Variants in LRIF1 observed in about 807,000 individuals in gnomAD.
LRIF1 encodes ligand dependent nuclear receptor interacting factor 1.
Under a neutral mutation model 52.7 loss-of-function variants are expected in LRIF1, and 32 were observed. The observed-to-expected ratio is 0.61, with a 90% CI of 0.46 to 0.82. The LOEUF (loss-of-function observed/expected upper bound fraction) is 0.82. LRIF1 is among the 40% of genes least tolerant of loss of function. The pLI, the probability that LRIF1 is intolerant of heterozygous loss-of-function variation, is 0.00. For missense variants in LRIF1, 887 were observed against 892.0 expected (o/e 0.99, Z 0.07); for synonymous variants, 323 against 317.4 (o/e 1.02, Z -0.19).
the LRIF1 span, among the ~76,000 whole-genome samples, chr1:110,930,941 C>G: frequency 6.6e-6 from 1 of 151,998 alleles, no homozygotes; most frequent in East Asian, 1.9e-4. Flanking sequence ...GGGCTGGCAT[C>G]TTGACCCTGT....
Position 110,951,836 on chromosome 1 carries a change from T to A in LRIF1, c.1048A>T (p.Met350Leu). 1.9e-6 allele frequency: 3 copies of A among 1,613,068 alleles called. No homozygotes were observed. The highest frequency in any genetic ancestry group is 2.5e-6 in the Non-Finnish European group (3 of 1,180,018). ...ACCAAAGCATTATCTTTAATAGGCA[T>A]ATTTTTGGATCGCGTCCCACTAGGA... Reference protein sequence around the residue: ...IDPSGTRSKNMPIKDNALVMF... With the variant: ...IDPSGTRSKNLPIKDNALVMF... The change falls in exon 2 of 4, where the codon ATG (methionine) becomes TTG (leucine). Residue 350 changes from methionine to leucine, a missense_variant. By Grantham distance (15) the Met-to-Leu change is conservative. Transcript: ENST00000369763.
the LRIF1 span, among the ~76,000 whole-genome samples, chr1:110,886,839 T>G: frequency 4.1e-5 from 4 of 98,396 alleles, no homozygotes; most frequent in Non-Finnish European, 9.2e-5. Context: ...AGCGAGACTC[T>G]GTCTCCAATA....
At chr1:110,954,578 G>A (rs1330707157) in intron 1 of LRIF1, among the ~76,000 whole-genome samples, 2 of 152,030 alleles carry the variant, frequency 1.3e-5, no homozygotes, top group South Asian at 2.1e-4. Context: ...TTGCTTTCAG[G>A]GTTTTAAGAG....
At chr1:110,945,002 T>G (rs986026897), downstream of LRIF1, 2 of 151,962 alleles carry the variant, frequency 1.3e-5, no homozygotes, top group Non-Finnish European at 2.9e-5. Context: ...GCTCAAGTGA[T>G]CTTTCCACCT....
downstream of LRIF1, among the ~76,000 whole-genome samples, chr1:110,946,043 A>G (rs1460312192): frequency 6.6e-6 from 1 of 152,232 alleles, no homozygotes; most frequent in Non-Finnish European, 1.5e-5. Context: ...AAAACCTTGT[A>G]CACAAATATA....
the LRIF1 span, among the ~76,000 whole-genome samples, chr1:110,878,699 C>G: frequency 6.6e-6 from 1 of 152,128 alleles, no homozygotes; most frequent in African/African-American, 2.4e-5. Flanking sequence ...AGGTGTTTCT[C>G]TACCAAACAC....
At chr1:110,957,350 G>A (rs925444322) in intron 1 of LRIF1, among the ~76,000 whole-genome samples, 2 of 149,120 alleles carry the variant, frequency 1.3e-5, no homozygotes, top group African/African-American at 2.5e-5. Context: ...GCAAGCGCCT[G>A]TAGTCCCAGC....
chr1:110,933,435 C>G, the LRIF1 span, among the ~76,000 whole-genome samples: 3 of 152,066 alleles, frequency 2.0e-5, no homozygotes, highest in Non-Finnish European at 4.4e-5. Flanking sequence ...GCCTTGAAGA[C>G]ATAGAAAAAA....
chr1:110,960,731 C>T (rs1658916326), intron 1 of LRIF1, among the ~76,000 whole-genome samples: 1 of 152,152 alleles, frequency 6.6e-6, no homozygotes, highest in Non-Finnish European at 1.5e-5. Flanking sequence ...TTTCTTCCTG[C>T]CAATTCATTA....
At chr1:110,934,565 C>T in the LRIF1 span, among the ~76,000 whole-genome samples, 25 of 152,224 alleles carry the variant, frequency 1.6e-4, no homozygotes, top group Non-Finnish European at 2.8e-4. Context: ...CAGTACTCTC[C>T]ATGGCTTGTG....
At chr1:110,910,500 C>T in the LRIF1 span, among the ~76,000 whole-genome samples, 1 of 152,122 alleles carries the variant, frequency 6.6e-6, no homozygotes, top group Non-Finnish European at 1.5e-5. Flanking sequence ...ACTTGGGAGG[C>T]TGAGGCAGGA....
chr1:110,945,735 CTACAA>C (rs1394767314), downstream of LRIF1, among the ~76,000 whole-genome samples: 1 of 152,132 alleles, frequency 6.6e-6, no homozygotes, highest in Non-Finnish European at 1.5e-5. Context: ...CCTATATTTT[CTACAA>C]TACATTTGCA....
chr1:110,950,790 TATTG>T (rs1658436619), intron 2 of LRIF1, among the ~76,000 whole-genome samples: 1 of 151,530 alleles, frequency 6.6e-6, no homozygotes, highest in African/African-American at 2.4e-5. Context: ...TACTGAAAGG[TATTG>T]ATTAGCCCTG....
At chr1:110,878,429 A>G in the LRIF1 span, among the ~76,000 whole-genome samples, 4 of 152,254 alleles carry the variant, frequency 2.6e-5, no homozygotes, top group African/African-American at 7.2e-5. Flanking sequence ...CAATCTGTAT[A>G]TAGAGAAATG....
Position 110,951,430 on chromosome 1 carries a change from C to G in LRIF1, c.1454G>C (p.Gly485Ala). ...TGTTACTTTTCTGGGGGCATTGTGT[C>G]CTGTACTAAATCCAACTGGAAAGAT... ...NPIFPVGFSTGHNAPRKVTAV... is the reference protein window; with the variant it reads ...NPIFPVGFSTAHNAPRKVTAV... The change falls in exon 2 of 4, where the codon GGA (glycine) becomes GCA (alanine). Residue 485 changes from glycine (G) to alanine (A), a missense_variant. By Grantham distance (60) the Gly-to-Ala change is moderately conservative. Transcript: ENST00000369763. The G allele has an allele frequency of 6.2e-7, 1 of 1,614,054 alleles. No homozygotes were observed. Among genetic ancestry groups the G allele is most frequent in the Non-Finnish European group, 8.5e-7 (1 of 1,179,988 alleles).
the LRIF1 span, among the ~76,000 whole-genome samples, chr1:110,924,465 A>T: frequency 6.6e-6 from 1 of 152,184 alleles, no homozygotes; most frequent in Non-Finnish European, 1.5e-5. Flanking sequence ...GAGGGCAAAG[A>T]GGCAGCAAGG....
At chr1:110,877,974 G>A in the LRIF1 span, among the ~76,000 whole-genome samples, 1 of 152,230 alleles carries the variant, frequency 6.6e-6, no homozygotes, top group Non-Finnish European at 1.5e-5. Context: ...CACCAAATGA[G>A]TTGGGAAGTA....
rs374526745 is a variant in LRIF1, at chr1:110,951,950, T to C, written c.934A>G (p.Asn312Asp). The part of the protein sequence containing the change: ...PSLVPVKSSN[N>D]VASKILKTFV... ...GTTTTTAAAATCTTTGAAGCCACAT[T>C]ATTTGAAGACTTAACAGGAACAAGA... Residue 312 changes from asparagine (N) to aspartate (D), a missense_variant, in exon 2 of 4, where the codon AAT (asparagine) becomes GAT (aspartate). Transcript: ENST00000369763. 5.9e-5 allele frequency: 95 copies of C among 1,613,902 alleles called. No individual in the cohort carries two copies. Among genetic ancestry groups the C allele is most frequent in the Non-Finnish European group, 7.7e-5 (91 of 1,179,992 alleles).
chr1:110,944,981 T>C (rs1436159897), downstream of LRIF1: 1 of 151,622 alleles, frequency 6.6e-6, no homozygotes, highest in Non-Finnish European at 1.5e-5. Context: ...ACTACGACCT[T>C]GACCCACTAG....
Sources: allele counts gnomAD v4.1 joint callset (sites outside exome capture counted in the v4.1 genomes callset), GRCh38; gene constraint gnomAD v4.1.1; transcripts MANE v1.5; gene names NCBI Gene and HGNC (gene_info 2026-07-23, HGNC 2026-07-21).